Variants in MCM4 observed in about 807,000 individuals in gnomAD.
MCM4 encodes minichromosome maintenance complex component 4, also known as DNA replication licensing factor MCM4.
MCM4 carries 60 observed loss-of-function variants against 88.7 expected under a neutral mutation model. That is an observed-to-expected ratio of 0.68 (90% CI 0.55 to 0.84). MCM4 has a LOEUF of 0.84. MCM4 is among the 40% of genes least tolerant of loss of function. The pLI, the probability that MCM4 is intolerant of heterozygous loss-of-function variation, is 0.00. For missense variants in MCM4, 1,149 were observed against 1,105.5 expected, an observed-to-expected ratio of 1.04 and a Z score of -0.56; for synonymous variants, 465 against 410.5, an observed-to-expected ratio of 1.13 and a Z score of -1.61.
intron 10 of MCM4, 102 bp downstream of exon 10, chr8:47,967,587 C>T (rs1402709118): frequency 6.9e-7 from 1 of 1,438,978 alleles, no homozygotes; most frequent in Admixed American, 1.8e-5. Context: ...AGTTCTACCT[C>T]CAGTTGTCAC....
rs771955435 is a variant in MCM4, at chr8:47,973,078, A to G, written c.2136+14A>G. 5.0e-6 allele frequency: 8 copies of G among 1,608,888 alleles called. No homozygotes were observed. The highest frequency in any genetic ancestry group is 6.8e-6 in the Non-Finnish European group (8 of 1,178,288). ...GCTCTCATCGAGGTAACCCTGCTGA[A>G]AAAAGGCTTACTGTGCCTGTAGCCC... is the stretch of plus-strand genomic sequence containing the variant. On this transcript the variant is annotated intron_variant, in intron 14 of 16. Transcript: ENST00000649973.
Position 47,971,216 on chromosome 8 carries a change from A to G in MCM4, c.1801-125A>G, listed in dbSNP as rs1284415427. The G allele has an allele frequency of 1.4e-5, 16 of 1,140,524 alleles. No homozygotes were observed. In the East Asian group the frequency reaches 2.7e-4, roughly 19 times the overall value. 70.7% of individuals were successfully genotyped at this position (1,140,524 alleles called of 1,614,324 possible). A position where few individuals can be genotyped will look rare whatever the true frequency, so the allele number is the denominator to read the frequency against. On this transcript the variant is annotated intron_variant, in intron 12 of 16. Coordinates refer to ENST00000649973, the MANE Select transcript of MCM4 (RefSeq NM_182746.3). Reference sequence around the variant, plus strand: ...TGAACTGCTGAAGTCAGTAAAGGCAACATGGCTCAGGCAATAGAAACTCAG... The same window carrying G: ...TGAACTGCTGAAGTCAGTAAAGGCAGCATGGCTCAGGCAATAGAAACTCAG...
In MCM4 at chr8:47,973,047, A is replaced by G. The variant is rs767897832; in HGVS notation, c.2119A>G (p.Ser707Gly). Reference sequence around the variant, plus strand: ...CATGCCGCGGCTAAGTGAGGAAGCCAGCCAGGCTCTCATCGAGGTAACCCT... The same window carrying G: ...CATGCCGCGGCTAAGTGAGGAAGCCGGCCAGGCTCTCATCGAGGTAACCCT... ...TIMPRLSEEA[S>G]QALIEAYVDM... is the part of the protein sequence containing the mutation. The change falls in exon 14 of 17, where the codon AGC becomes GGC. Residue 707 changes from serine to glycine, a missense_variant. By Grantham distance (56) the Ser-to-Gly change is moderately conservative (BLOSUM62 0). Transcript: ENST00000649973. The G allele has an allele frequency of 1.9e-6, 3 of 1,613,718 alleles. No individual in the cohort carries two copies. Among genetic ancestry groups the G allele is most frequent in the Non-Finnish European group, 2.5e-6 (3 of 1,179,978 alleles).
intron 15 of MCM4, chr8:47,975,167 G>T: frequency 5.2e-5 from 24 of 461,674 alleles, no homozygotes; most frequent in South Asian, 1.7e-4. Flanking sequence ...ACAGTTTTGT[G>T]TATAGTTTTT....
At chr8:47,966,101 G>T (rs973324336) in intron 8 of MCM4, 86 bp from the exon 9 acceptor site, 1 of 1,097,740 alleles carries the variant, frequency 9.1e-7, no homozygotes, top group East Asian at 2.4e-5. Flanking sequence ...AGAGTCTTGG[G>T]CACCTAGCTC....
intron 9 of MCM4, 149 bp downstream of exon 9, chr8:47,966,556 G>A (rs1038988202): frequency 2.6e-6 from 2 of 755,506 alleles, no homozygotes. Flanking sequence ...GTGGCCTATG[G>A]GCTAAATATG....
At chr8:47,966,639 A>G (rs2090901371) in intron 9 of MCM4, among the ~76,000 whole-genome samples, 1 of 152,232 alleles carries the variant, frequency 6.6e-6, no homozygotes, top group Non-Finnish European at 1.5e-5. Context: ...GTTGTTAGAG[A>G]CACTGTATTT....
At chr8:47,968,288 T>C (rs1458786742) in intron 10 of MCM4, among the ~76,000 whole-genome samples, 1 of 152,218 alleles carries the variant, frequency 6.6e-6, no homozygotes, top group Non-Finnish European at 1.5e-5. Context: ...AGTGAGGCAG[T>C]GCTCACCCTG....
intron 10 of MCM4, chr8:47,969,447 C>T (rs1357996517): frequency 9.0e-6 from 2 of 222,162 alleles, no homozygotes; most frequent in African/African-American, 4.5e-5. Flanking sequence ...TTAGTAGAGA[C>T]AGGGTTCTCC....
Position 47,961,027 on chromosome 8 carries a change from C to A in MCM4, c.-15+13C>A, listed in dbSNP as rs1418848730. 2 of 1,129,432 alleles carry A rather than the reference C, an allele frequency of 1.8e-6. No homozygotes were observed. The highest frequency in any genetic ancestry group is 3.8e-5 in the Admixed American group (1 of 26,286). 70.0% of individuals were successfully genotyped at this position (1,129,432 alleles called of 1,614,324 possible). ...CCGCCTTTCCACGGTAACCGCGCGC[C>A]GGCGGGGAGGGCGTGGCGCGGAGCC... On this transcript the variant is annotated intron_variant, in intron 1 of 16. Transcript: ENST00000649973.
At position 47,971,493 on chromosome 8, in the gene MCM4, T is replaced by C. The variant is rs754011949; in HGVS notation, c.1928+25T>C. 4 of 1,611,898 alleles carry C rather than the reference T, an allele frequency of 2.5e-6. No homozygotes were observed. The East Asian group carries it at 8.9e-5, about 36-fold the overall frequency. ...GGTATTAAAACAGATTTTTATTTTG[T>C]TCATTTGTAGAATATTCAGGGTGAG... On this transcript the variant is annotated intron_variant, in intron 13 of 16. Transcript: ENST00000649973.
Position 47,965,580 on chromosome 8 carries a change from C to G in MCM4, c.833-607C>G, listed in dbSNP as rs75819385. 1.2e-4 allele frequency among the ~76,000 whole-genome samples: 19 copies of G among 152,222 alleles called. No homozygotes were observed. The East Asian group carries it at 3.7e-3, about 29-fold the overall frequency. ...AACAGGGTAGCTTGTCTGAAACCAG[C>G]AGGGGAAATTAGTTGCGGGCAGTGG... On this transcript the variant is annotated intron_variant, in intron 8 of 16. Transcript: ENST00000649973.
intron 10 of MCM4, among the ~76,000 whole-genome samples, chr8:47,968,211 C>T (rs1416648643): frequency 6.6e-6 from 1 of 152,132 alleles, no homozygotes; most frequent in African/African-American, 2.4e-5. Flanking sequence ...TGGCGACGGT[C>T]GCGGAGTGCC....
At chr8:47,970,192 C>A in intron 11 of MCM4, 135 bp downstream of exon 11, 1 of 1,007,502 alleles carries the variant, frequency 9.9e-7, no homozygotes, top group Non-Finnish European at 1.5e-6. Context: ...TGCTGGCAAC[C>A]TGACTTGCCA....
At chr8:47,970,939 G>A (rs2090948303) in intron 12 of MCM4, 63 bp downstream of exon 12, 1 of 1,522,134 alleles carries the variant, frequency 6.6e-7, no homozygotes, top group Non-Finnish European at 8.8e-7. Context: ...TTGAAAGACA[G>A]GGTCTGTGGA....
chr8:47,976,702 T>C lies in MCM4; in HGVS notation c.2516T>C (p.Met839Thr), dbSNP rs772868961. 1.1e-5 allele frequency: 17 copies of C among 1,612,692 alleles called. No individual in the cohort carries two copies. Among genetic ancestry groups the C allele is most frequent in the African/African-American group, 4.0e-5 (3 of 74,916 alleles). ...GQSDIAITKD[M>T]FEEALRALAD... ...TCCCCACAGGCAATTACTAAAGATA[T>C]GTTTGAAGAAGCACTGCGTGCCCTG... is the stretch of plus-strand genomic sequence containing the variant. The change falls in exon 17 of 17, where the codon ATG becomes ACG. Residue 839 changes from methionine (M) to threonine (T), a missense_variant. Physicochemically the swap from Met to Thr is moderately conservative, Grantham distance 81. Transcript: ENST00000649973.
intron 2 of MCM4, 45 bp downstream of exon 2, chr8:47,961,259 C>A (rs892045901): frequency 6.9e-7 from 1 of 1,443,024 alleles, no homozygotes; most frequent in East Asian, 2.8e-5. Flanking sequence ...GGCGCCGCCC[C>A]GTCTGCCCTC....
chr8:47,971,432 T>C lies in MCM4; in HGVS notation c.1892T>C (p.Ile631Thr), dbSNP rs762802799. The change falls in exon 13 of 17, where the codon ATT becomes ACT. Residue 631 changes from isoleucine to threonine, a missense_variant. Ile to Thr is a moderately conservative substitution (Grantham distance 89). Transcript: ENST00000649973. The part of the protein sequence containing the change: ...ESQWNPKKTT[I>T]ENIQLPHTLL... ...CAGTGGAATCCTAAAAAAACAACCA[T>C]TGAAAACATCCAGCTGCCTCATACT... The C allele has an allele frequency of 2.5e-6, 4 of 1,614,068 alleles. No homozygotes were observed. The South Asian group carries it at 3.3e-5, about 13-fold the overall frequency.
rs531888742 is a variant in MCM4 at position 47,971,419 on chromosome 8, A to G, written c.1879A>G (p.Lys627Glu). 2 of 1,613,946 alleles carry G rather than the reference A, an allele frequency of 1.2e-6. No individual in the cohort carries two copies. Among genetic ancestry groups the G allele is most frequent in the Admixed American group, 3.3e-5 (2 of 60,008 alleles). Residue 627 changes from lysine to glutamate, a missense_variant, in exon 13 of 17, where the codon AAA (lysine) becomes GAA (glutamate). By Grantham distance (56) the Lys-to-Glu change is moderately conservative. This residue lies in a region of MCM4 where 906 missense variants were observed against 843.0 expected (regional missense o/e 1.07). Coordinates refer to ENST00000649973, the MANE Select transcript of MCM4 (RefSeq NM_182746.3). Reference sequence around the variant, plus strand: ...TCCCATTGAGTCTCAGTGGAATCCTAAAAAAACAACCATTGAAAACATCCA... The same window carrying G: ...TCCCATTGAGTCTCAGTGGAATCCTGAAAAAACAACCATTGAAAACATCCA... ...ANPIESQWNP[K>E]KTTIENIQLP...
Sources: allele counts gnomAD v4.1 joint callset (sites outside exome capture counted in the v4.1 genomes callset), GRCh38; gene constraint gnomAD v4.1.1; regional missense constraint gnomAD v4.1.1; transcripts MANE v1.5; gene names NCBI Gene and HGNC (gene_info 2026-07-23, HGNC 2026-07-21).